EIF3B: variants seen among roughly 807,000 people sequenced by gnomAD.
EIF3B encodes eukaryotic translation initiation factor 3 subunit 9.
In EIF3B, 10 loss-of-function variants were observed where a neutral mutation model predicts 104.6. The ratio of observed to expected loss-of-function variants is 0.10; its 90% CI spans 0.06 to 0.16. EIF3B has a LOEUF of 0.16. EIF3B is among the 10% of genes least tolerant of loss of function. EIF3B has a pLI of 1.00. For synonymous variants in EIF3B, 542 were observed against 417.2 expected, an observed-to-expected ratio of 1.30 and a Z score of -3.65; for missense variants, 1,014 against 1,087.9, an observed-to-expected ratio of 0.93 and a Z score of 0.96.
At chr7:2,358,469 A>G (rs549765516) in intron 1 of EIF3B, among the ~76,000 whole-genome samples, 1 of 151,698 alleles carries the variant, frequency 6.6e-6, no homozygotes, top group South Asian at 2.1e-4. Flanking sequence ...CCAACTTTTG[A>G]GAATAAATAC....
In EIF3B at chr7:2,354,986, A is replaced by G; in HGVS notation, c.65A>G (p.Gln22Arg). 1 of 1,172,836 alleles carries G rather than the reference A, an allele frequency of 8.5e-7. No individual in the cohort carries two copies. Among genetic ancestry groups the G allele is most frequent in the Non-Finnish European group, 1.0e-6 (1 of 953,884 alleles). 72.7% of individuals were successfully genotyped at this position (1,172,836 alleles called of 1,614,324 possible). The stretch of plus-strand genomic sequence containing the variant: ...GAGGAGCGCGCCGAGCCCGGCCAGC[A>G]GCAGCCGGCCGCCGAGCCGCCGCCA... ...AAEERAEPGQQQPAAEPPPAE... is the reference protein window; with the variant it reads ...AAEERAEPGQRQPAAEPPPAE... The change falls in exon 1 of 19, where the codon CAG becomes CGG. Residue 22 changes from glutamine to arginine, a missense_variant. This residue lies in a region of EIF3B where 488 missense variants were observed against 404.3 expected (regional missense o/e 1.21). Transcript: ENST00000360876.
chr7:2,354,533 T>C (rs899648412), upstream of EIF3B, among the ~76,000 whole-genome samples: 6 of 152,038 alleles, frequency 3.9e-5, no homozygotes, highest in African/African-American at 1.4e-4. Flanking sequence ...GCTCCACAAA[T>C]AGTTCAGTCC....
At chr7:2,358,152 T>TG (rs1479230873) in intron 1 of EIF3B, among the ~76,000 whole-genome samples, 2 of 152,130 alleles carry the variant, frequency 1.3e-5, no homozygotes, top group African/African-American at 4.8e-5. Context: ...TGGAGTGCAA[T>TG]GGCTCACCGC....
At position 2,380,249 on chromosome 7, in the gene EIF3B, C is replaced by A; in HGVS notation, c.*60C>A. 1 of 473,796 alleles carries A rather than the reference C, an allele frequency of 2.1e-6. No individual in the cohort carries two copies. Among genetic ancestry groups the A allele is most frequent in the South Asian group, 1.5e-5 (1 of 64,582 alleles). 29.3% of individuals were successfully genotyped at this position (473,796 alleles called of 1,614,324 possible). On this transcript the variant is annotated 3_prime_UTR_variant, in exon 19 of 19. Coordinates refer to ENST00000360876, the MANE Select transcript of EIF3B (RefSeq NM_001037283.2). Reference sequence around the variant, plus strand: ...TTCCCGCGCTGAGCTACAGGACTCCCGAGTGTGAGCCGCGGTTCCTCTGTT... The same window carrying A: ...TTCCCGCGCTGAGCTACAGGACTCCAGAGTGTGAGCCGCGGTTCCTCTGTT...
intron 12 of EIF3B, chr7:2,373,743 C>T (rs1430531886): frequency 1.3e-5 from 2 of 151,126 alleles, no homozygotes. Flanking sequence ...GCACCTTGTA[C>T]CTTCCAAACA....
At chr7:2,358,636 C>G (rs1235211468) in intron 1 of EIF3B, among the ~76,000 whole-genome samples, 1 of 152,166 alleles carries the variant, frequency 6.6e-6, no homozygotes, top group Admixed American at 6.5e-5. Flanking sequence ...AAGCGATTCT[C>G]CTGCCCCAGC....
At chr7:2,365,695 G>C (rs1356846926) in intron 6 of EIF3B, among the ~76,000 whole-genome samples, 4 of 78,040 alleles carry the variant, frequency 5.1e-5, no homozygotes, top group Non-Finnish European at 1.1e-4. Context: ...TTTTTTTTTT[G>C]AAACTGAGTT....
chr7:2,378,981 G>A (rs756764158), intron 16 of EIF3B, 153 bp from the exon 17 acceptor site: 141 of 773,780 alleles, frequency 1.8e-4, no homozygotes, highest in African/African-American at 5.9e-4. Context: ...GGGGGGCAGC[G>A]TTGGGGGAAA....
intron 1 of EIF3B, among the ~76,000 whole-genome samples, chr7:2,355,982 TAAAG>T (rs930515380): frequency 6.7e-6 from 1 of 148,468 alleles, no homozygotes; most frequent in African/African-American, 2.6e-5. Flanking sequence ...GCTAAATCTA[TAAAG>T]AGAGTTATTT....
In EIF3B at chr7:2,364,372, A is replaced by C. The variant is rs778958122; in HGVS notation, c.1000A>C (p.Arg334=). 3 of 1,588,716 alleles carry C rather than the reference A, an allele frequency of 1.9e-6. No homozygotes were observed. The highest frequency in any genetic ancestry group is 2.6e-6 in the Non-Finnish European group (3 of 1,171,974). Residue 334 remains arginine, a splice_region_variant and synonymous_variant, in exon 6 of 19, where the codon AGA becomes CGA. Transcript: ENST00000360876. ...KDPVSIEERA[R]WTETYVRWSP... ...ACGTTGGCACTGCCTTTTTCTGCAG[A>C]GATGGACAGAGACGTATGTGCGTTG...
At position 2,364,458 on chromosome 7, in the gene EIF3B, A is replaced by G. The variant is rs777624565; in HGVS notation, c.1086A>G (p.Gly362=). 6.2e-7 allele frequency: 1 copy of G among 1,612,764 alleles called. No individual in the cohort carries two copies. The highest frequency in any genetic ancestry group is 8.5e-7 in the Non-Finnish European group (1 of 1,179,470). Residue 362 remains glycine, a synonymous_variant, in exon 6 of 19, where the codon GGA becomes GGG. Coordinates refer to ENST00000360876, the MANE Select transcript of EIF3B (RefSeq NM_001037283.2). ...FHQRGIALWG[G]EKFKQIQRFS... ...AAAGAGGCATTGCTCTATGGGGGGG[A>G]GAGAAATTCAAGCAAATTCAGAGAT...
intron 9 of EIF3B, among the ~76,000 whole-genome samples, chr7:2,368,813 C>T (rs1780165883): frequency 6.6e-6 from 1 of 152,226 alleles, no homozygotes. Context: ...AGTATCACGG[C>T]AGTGAACTTC....
intron 15 of EIF3B, 70 bp from the exon 16 acceptor site, chr7:2,378,619 A>G: frequency 7.1e-7 from 1 of 1,409,108 alleles, no homozygotes; most frequent in African/African-American, 1.4e-5. Flanking sequence ...TCATGTTGGC[A>G]ACTCTGAAGA....
chr7:2,379,272 G>T, intron 17 of EIF3B, 30 bp downstream of exon 17: 2 of 1,597,216 alleles, frequency 1.3e-6, no homozygotes, highest in Non-Finnish European at 1.7e-6. Context: ...GTCCCCAGGA[G>T]CTGGCCCTTA....
chr7:2,363,213 G>A (rs751543284), intron 4 of EIF3B, 86 bp downstream of exon 4: 36 of 1,367,020 alleles, frequency 2.6e-5, no homozygotes, highest in Non-Finnish European at 3.4e-5. Context: ...AGCACTTAGG[G>A]AGGCTGAGGT....
intron 18 of EIF3B, chr7:2,379,822 C>T: frequency 2.7e-6 from 1 of 372,154 alleles, no homozygotes. Flanking sequence ...GATACCTGTG[C>T]TAGTGACGGC....
upstream of EIF3B, chr7:2,354,821 A>T: frequency 3.9e-6 from 4 of 1,013,386 alleles, no homozygotes; most frequent in East Asian, 8.5e-5. Context: ...TCCCCGTCGC[A>T]CGCACATGGC....
At chr7:2,378,631 T>A in intron 15 of EIF3B, 58 bp from the exon 16 acceptor site, 1 of 1,499,854 alleles carries the variant, frequency 6.7e-7, no homozygotes, top group South Asian at 1.1e-5. Flanking sequence ...CTCTGAAGAT[T>A]GCATTTGTGC....
chr7:2,376,663 A>G (rs1780648678), intron 14 of EIF3B: 1 of 382,110 alleles, frequency 2.6e-6, no homozygotes, highest in Non-Finnish European at 4.8e-6. Flanking sequence ...GTAGTGAGGC[A>G]GTTAGCTTAC....
Sources: gnomAD v4.1 joint callset for allele counts (sites outside exome capture counted in the v4.1 genomes callset) on GRCh38, gnomAD v4.1.1 for gene constraint, gnomAD v4.1.1 regional missense constraint, MANE v1.5 for transcripts, NCBI Gene and HGNC (gene_info 2026-07-23, HGNC 2026-07-21) for gene names.